The following ADCY9 variants were observed in gnomAD, a reference collection of about 807,000 sequenced individuals.
ADCY9 encodes the protein adenylate cyclase 9.
ADCY9 carries 50 observed loss-of-function variants against 101.5 expected under a neutral mutation model. That is an observed-to-expected ratio of 0.49 (90% CI 0.39 to 0.62). The LOEUF (loss-of-function observed/expected upper bound fraction) is 0.62. Among genes scored for constraint, ADCY9 ranks in the 20% least tolerant of loss-of-function variants. ADCY9 has a pLI of 0.00. For missense variants in ADCY9, 1,662 were observed against 1,800.4 expected (o/e 0.92, Z 1.39); for synonymous variants, 905 against 769.3 (o/e 1.18, Z -2.92).
chr16:4,086,997 G>C (rs2141185215), intron 2 of ADCY9, among the ~76,000 whole-genome samples: 1 of 150,674 alleles, frequency 6.6e-6, no homozygotes. Flanking sequence ...TCAAGGTGCT[G>C]CTCCTTCTTC....
intron 2 of ADCY9, among the ~76,000 whole-genome samples, chr16:4,089,486 C>T (rs929265686): frequency 6.6e-6 from 1 of 152,012 alleles, no homozygotes. Context: ...AGCAGACAGG[C>T]ATTTGGGCTG....
intron 2 of ADCY9, among the ~76,000 whole-genome samples, chr16:4,030,252 C>T (rs1367032049): frequency 2.0e-5 from 3 of 152,142 alleles, no homozygotes; most frequent in Admixed American, 1.3e-4. Flanking sequence ...AGCCCAGAAA[C>T]AACCCATGTA....
At position 3,965,490 on chromosome 16, in the gene ADCY9, TC is replaced by T. The variant is rs143993008; in HGVS notation, c.*284del. On this transcript the variant is annotated 3_prime_UTR_variant, in exon 11 of 11. Transcript: ENST00000294016. Reference sequence around the variant, plus strand: ...CCATGATCTCCACTGGCGGCCTCTGTCCCGAGACTCGAGGCCGAGGCCAGCC... The same window carrying T: ...CCATGATCTCCACTGGCGGCCTCTGTCCGAGACTCGAGGCCGAGGCCAGCC... 13,237 of 473,714 alleles carry T rather than the reference TC, an allele frequency of 0.028. 254 individuals are homozygous for T. The highest frequency in any genetic ancestry group is 0.037 in the Middle Eastern group (68 of 1,840). 29.3% of individuals were successfully genotyped at this position (473,714 alleles called of 1,614,324 possible).
At chr16:4,087,328 A>T (rs116833135) in intron 2 of ADCY9, among the ~76,000 whole-genome samples, 3 of 151,872 alleles carry the variant, frequency 2.0e-5, no homozygotes, top group African/African-American at 7.3e-5. Context: ...TGAGACCAGG[A>T]GTTCGAGACC....
chr16:3,966,079 T>C lies in ADCY9; in HGVS notation c.3758A>G (p.Gln1253Arg), dbSNP rs1597131338. The change falls in exon 11 of 11, where the codon CAG becomes CGG. Residue 1253 changes from glutamine to arginine, a missense_variant. By Grantham distance (43) the Gln-to-Arg change is conservative (BLOSUM62 1). This residue lies in a region of ADCY9 where 168 missense variants were observed against 155.3 expected (regional missense o/e 1.08). Transcript: ENST00000294016. The stretch of plus-strand genomic sequence containing the variant: ...GTCTGGGGAGATGGACAGCTGGTGC[T>C]GTGGGATGACCCTGTGATCCGTGCA... ...PKCTDHRVIP[Q>R]HQLSISPDIR... 3.1e-6 allele frequency: 5 copies of C among 1,614,254 alleles called. No homozygotes were observed. Among genetic ancestry groups the C allele is most frequent in the Non-Finnish European group, 3.4e-6 (4 of 1,180,046 alleles).
intron 2 of ADCY9, among the ~76,000 whole-genome samples, chr16:4,022,631 T>A (rs1310646559): frequency 3.3e-5 from 5 of 151,912 alleles, no homozygotes; most frequent in Non-Finnish European, 7.4e-5. Context: ...GCAATTTTTT[T>A]TAAAAGGAGA....
At chr16:4,055,358 C>T (rs1483767365) in intron 2 of ADCY9, among the ~76,000 whole-genome samples, 1 of 151,920 alleles carries the variant, frequency 6.6e-6, no homozygotes, top group African/African-American at 2.4e-5. Flanking sequence ...CATGGTGAAA[C>T]CCTGTCTCTA....
chr16:4,034,217 A>C (rs777397678), intron 2 of ADCY9, among the ~76,000 whole-genome samples: 1 of 152,190 alleles, frequency 6.6e-6, no homozygotes, highest in Non-Finnish European at 1.5e-5. Context: ...GCTCCAACTT[A>C]GCCAAGGTGA....
At position 4,115,319 on chromosome 16, in the gene ADCY9, G is replaced by T. The variant is rs771039334; in HGVS notation, c.124C>A (p.His42Asn). The change falls in exon 2 of 11, where the codon CAC becomes AAC. Residue 42 changes from histidine to asparagine, a missense_variant. This residue lies in a region of ADCY9 where 422 missense variants were observed against 392.0 expected (regional missense o/e 1.08). Transcript: ENST00000294016. This position sits in a 1 kb window ranked among gnomAD's most constrained non-coding sequence, Gnocchi z 6.2. ...INPKQLSSNS[H>N]PKHCKYSISS... Reference sequence around the variant, plus strand: ...ATGCTGTATTTGCAGTGCTTGGGGTGGCTGTTGGAGGACAGCTGCTTGGGG... The same window carrying T: ...ATGCTGTATTTGCAGTGCTTGGGGTTGCTGTTGGAGGACAGCTGCTTGGGG... The T allele has an allele frequency of 3.1e-6, 5 of 1,613,622 alleles. No individual in the cohort carries two copies. The highest frequency in any genetic ancestry group is 3.3e-5 in the Admixed American group (2 of 59,962).
At chr16:3,969,604 A>G (rs1428983307) in intron 10 of ADCY9, among the ~76,000 whole-genome samples, 1 of 67,776 alleles carries the variant, frequency 1.5e-5, no homozygotes, top group African/African-American at 8.5e-5. Flanking sequence ...ATATATATAT[A>G]TATATGTATT....
chr16:3,974,649 G>A lies in ADCY9; in HGVS notation c.2870+20C>T, dbSNP rs759472476. 1.9e-5 allele frequency: 30 copies of A among 1,603,892 alleles called. No homozygotes were observed. Among genetic ancestry groups the A allele is most frequent in the Non-Finnish European group, 2.1e-5 (25 of 1,171,142 alleles). ...GTCACTCTCGTTTATTCAGACAGAA[G>A]TGCAATATTAAAAGCTTACCTGAAA... On this transcript the variant is annotated intron_variant, in intron 10 of 10. Transcript: ENST00000294016.
chr16:3,978,462 G>A (rs912393145), intron 8 of ADCY9, among the ~76,000 whole-genome samples: 3 of 152,216 alleles, frequency 2.0e-5, no homozygotes, highest in African/African-American at 7.2e-5. Flanking sequence ...AGTCAATTCT[G>A]TGTGCCAGGT....
At chr16:3,997,919 C>A (rs1163749342) in intron 3 of ADCY9, among the ~76,000 whole-genome samples, 1 of 152,090 alleles carries the variant, frequency 6.6e-6, no homozygotes, top group East Asian at 1.9e-4. Context: ...CATGGCAAAA[C>A]CCTGTCTCTA....
chr16:4,112,121 A>C (rs2057117538), intron 2 of ADCY9, among the ~76,000 whole-genome samples: 1 of 152,136 alleles, frequency 6.6e-6, no homozygotes, highest in Non-Finnish European at 1.5e-5. Flanking sequence ...AGCTCACAAC[A>C]CCTGGGCCCT....
Position 4,071,332 on chromosome 16 carries a change from C to CAAAAAAAAAAAAAAAAA in ADCY9, c.1693+42401_1693+42417dup, listed in dbSNP as rs530420293. On this transcript the variant is annotated intron_variant, in intron 2 of 10. Transcript: ENST00000294016. ...GGCAACAAAAGCGAAACTCAGTCTC[C>CAAAAAAAAAAAAAAAAA]AAAAAAAAAAAAAAAAAAAAAAAAA... is the stretch of plus-strand genomic sequence containing the variant. Among the ~76,000 whole-genome samples, 141 of 70,518 alleles carry CAAAAAAAAAAAAAAAAA rather than the reference C, an allele frequency of 2.0e-3. 1 individual carries two copies. Among genetic ancestry groups the CAAAAAAAAAAAAAAAAA allele is most frequent in the Non-Finnish European group, 2.8e-3 (107 of 38,530 alleles). The allele number at this position is 70,518 out of a possible 152,430, so 46.3% of individuals were successfully genotyped here. A position where few individuals can be genotyped will look rare whatever the true frequency, so the allele number is the denominator to read the frequency against.
In ADCY9 at chr16:3,973,616, C is replaced by T. The variant is rs116385373; in HGVS notation, c.2870+1053G>A. 4.2e-3 allele frequency among the ~76,000 whole-genome samples: 636 copies of T among 152,212 alleles called. 2 individuals carry two copies. The highest frequency in any genetic ancestry group is 0.015 in the African/African-American group (622 of 41,518). On this transcript the variant is annotated intron_variant, in intron 10 of 10. Coordinates refer to ENST00000294016, the MANE Select transcript of ADCY9 (RefSeq NM_001116.4). ...CGGCCTCAAGCCCACCTTAGCTTCCCGAGTAGCTGGGACTACAGGTGCATA... is the reference window on the plus strand; with the variant it reads ...CGGCCTCAAGCCCACCTTAGCTTCCTGAGTAGCTGGGACTACAGGTGCATA...
At chr16:4,022,059 G>A (rs189019677) in intron 2 of ADCY9, among the ~76,000 whole-genome samples, 10 of 152,298 alleles carry the variant, frequency 6.6e-5, no homozygotes, top group Admixed American at 1.3e-4. Flanking sequence ...CAGCTGACTA[G>A]CCTTCCCTCA....
intron 2 of ADCY9, among the ~76,000 whole-genome samples, chr16:4,086,478 G>T (rs2056939460): frequency 6.6e-6 from 1 of 152,070 alleles, no homozygotes; most frequent in African/African-American, 2.4e-5. Context: ...GACCCAGGAG[G>T]GATCATGGAC....
chr16:4,026,738 C>T (rs2056518197), intron 2 of ADCY9, among the ~76,000 whole-genome samples: 1 of 152,162 alleles, frequency 6.6e-6, no homozygotes. Flanking sequence ...AGAAACCAGT[C>T]TTCAAAGGGT....
Sources: gnomAD v4.1 joint callset for allele counts (sites outside exome capture counted in the v4.1 genomes callset) on GRCh38, gnomAD v4.1.1 for gene constraint, gnomAD v4.1.1 regional missense constraint, Gnocchi (gnomAD v3.1) non-coding constraint, MANE v1.5 for transcripts, NCBI Gene and HGNC (gene_info 2026-07-23, HGNC 2026-07-21) for gene names.